Variants in ZNF780B observed in about 807,000 individuals in gnomAD.
ZNF780B encodes zinc finger protein 779.
Under a neutral mutation model 74.1 loss-of-function variants are expected in ZNF780B, and 52 were observed. The observed-to-expected ratio is 0.70, with a 90% CI of 0.56 to 0.88. The LOEUF (loss-of-function observed/expected upper bound fraction) is 0.88, where lower values mean the gene tolerates loss of function less well. Among genes scored for constraint, ZNF780B ranks in the 40% least tolerant of loss-of-function variants. ZNF780B has a pLI of 0.00. For missense variants in ZNF780B, 953 were observed against 1,007.6 expected (o/e 0.95, Z 0.73); for synonymous variants, 315 against 324.3 (o/e 0.97, Z 0.31).
intron 1 of ZNF780B, among the ~76,000 whole-genome samples, chr19:40,052,920 A>G (rs1160102368): frequency 6.6e-6 from 1 of 152,196 alleles, no homozygotes. Flanking sequence ...TTCTCAAACC[A>G]TTATACAAAA....
rs534099847 is a variant in ZNF780B at position 40,051,009 on chromosome 19, C to G, written c.-45-632G>C. 1.3e-5 allele frequency among the ~76,000 whole-genome samples: 2 copies of G among 152,204 alleles called. 1 individual carries two copies. Among genetic ancestry groups the G allele is most frequent in the African/African-American group, 4.8e-5 (2 of 41,532 alleles). On this transcript the variant is annotated intron_variant, in intron 1 of 4. Coordinates refer to ENST00000434248, the MANE Select transcript of ZNF780B (RefSeq NM_001005851.3). ...AAATCAGGTTACAAAGCAGGATAAA[C>G]AATACGATTACATTTGTAAAATATA...
chr19:40,047,826 A>G (rs1416238922), intron 3 of ZNF780B, among the ~76,000 whole-genome samples: 1 of 152,300 alleles, frequency 6.6e-6, no homozygotes, highest in East Asian at 1.9e-4. Context: ...TAAAACAGAA[A>G]TATAATAATG....
chr19:40,035,846 CA>C lies in ZNF780B; in HGVS notation c.1012del (p.Cys338AlafsTer8), dbSNP rs1300159383. ...TGTCAGAAGAGTAAAGGCCTTTCTG[CA>C]TTCTTTACATTCAAAGGGTTTCTCG... ...TGEKPFECKE[C>X]RKAFTLLTKL... On this transcript the variant is annotated frameshift_variant, in exon 5 of 5. Coordinates refer to ENST00000434248, the MANE Select transcript of ZNF780B (RefSeq NM_001005851.3). LOFTEE classifies it high-confidence loss of function. The C allele has an allele frequency of 6.2e-7, 1 of 1,613,970 alleles. No homozygotes were observed. The highest frequency in any genetic ancestry group is 8.5e-7 in the Non-Finnish European group (1 of 1,180,002).
In ZNF780B at chr19:40,036,136, G is replaced by T. The variant is rs373479514; in HGVS notation, c.723C>A (p.Asn241Lys). 4.3e-5 allele frequency: 69 copies of T among 1,613,464 alleles called. No individual in the cohort carries two copies. The highest frequency in any genetic ancestry group is 3.3e-4 in the Middle Eastern group (2 of 6,074). The part of the protein sequence containing the change: ...NLPTQLNRHK[N>K]IHTVKKLFEC... ...CAAACAGTTTCTTAACTGTGTGAAT[G>T]TTCTTATGGCGATTAAGCTGGGTGG... Residue 241 changes from asparagine to lysine, a missense_variant, in exon 5 of 5, where the codon AAC becomes AAA. Asn to Lys is a moderately conservative substitution (Grantham distance 94). Transcript: ENST00000434248.
intron 2 of ZNF780B, among the ~76,000 whole-genome samples, chr19:40,049,287 G>T (rs556158255): frequency 6.7e-6 from 1 of 149,110 alleles, no homozygotes; most frequent in Non-Finnish European, 1.5e-5. Context: ...GAGGAATGCC[G>T]TTAATCCTCA....
chr19:40,043,415 G>A (rs1246658047), intron 4 of ZNF780B, among the ~76,000 whole-genome samples: 10 of 152,216 alleles, frequency 6.6e-5, no homozygotes, highest in Non-Finnish European at 1.0e-4. Context: ...CTCCAGCTGC[G>A]TGCTGGGAGA....
In ZNF780B at chr19:40,036,113, A is replaced by C; in HGVS notation, c.746T>G (p.Phe249Cys). ...HKNIHTVKKLFECKECGKSFN... is the reference protein window; with the variant it reads ...HKNIHTVKKLCECKECGKSFN... The stretch of plus-strand genomic sequence containing the variant: ...AGACTTCCCACATTCCTTACATTCA[A>C]ACAGTTTCTTAACTGTGTGAATGTT... Residue 249 changes from phenylalanine to cysteine, a missense_variant, in exon 5 of 5, where the codon TTT becomes TGT. Transcript: ENST00000434248. 2 of 1,613,494 alleles carry C rather than the reference A, an allele frequency of 1.2e-6. No individual in the cohort carries two copies. Among genetic ancestry groups the C allele is most frequent in the Non-Finnish European group, 1.7e-6 (2 of 1,179,790 alleles).
intron 4 of ZNF780B, among the ~76,000 whole-genome samples, chr19:40,038,254 T>C (rs965958366): frequency 5.3e-5 from 8 of 151,900 alleles, no homozygotes; most frequent in African/African-American, 1.9e-4. Context: ...TCATCATTTT[T>C]TATGGCTGCA....
At chr19:40,056,000 C>T (rs188483063) in intron 1 of ZNF780B, 189 bp downstream of exon 1, 2 of 153,012 alleles carry the variant, frequency 1.3e-5, no homozygotes, top group East Asian at 3.9e-4. Flanking sequence ...CAAGATCGCG[C>T]AATCCCCATC....
In ZNF780B at chr19:40,036,366, A is replaced by C. The variant is rs1416899943; in HGVS notation, c.493T>G (p.Tyr165Asp). 6.2e-7 allele frequency: 1 copy of C among 1,613,270 alleles called. No homozygotes were observed. The highest frequency in any genetic ancestry group is 8.5e-7 in the Non-Finnish European group (1 of 1,179,804). ...ASPIHNTHKP[Y>D]ECKECGKYFS... is the part of the protein sequence containing the mutation. ...TATTTCCCACATTCCTTACATTCAT[A>C]TGGTTTATGTGTATTATGAATAGGA... The change falls in exon 5 of 5, where the codon TAT becomes GAT. Residue 165 changes from tyrosine (Y) to aspartate (D), a missense_variant. Transcript: ENST00000434248.
At chr19:40,049,937 C>A (rs538933376) in intron 2 of ZNF780B, among the ~76,000 whole-genome samples, 1 of 152,150 alleles carries the variant, frequency 6.6e-6, no homozygotes, top group East Asian at 1.9e-4. Context: ...GTGGCTCACG[C>A]CTGTAATCCC....
chr19:40,052,687 T>C (rs1253068635), intron 1 of ZNF780B, among the ~76,000 whole-genome samples: 1 of 152,126 alleles, frequency 6.6e-6, no homozygotes, highest in Non-Finnish European at 1.5e-5. Flanking sequence ...CTTCAATATA[T>C]ACTACAAAGC....
chr19:40,048,005 G>A (rs192652024), intron 3 of ZNF780B, among the ~76,000 whole-genome samples: 176 of 152,296 alleles, frequency 1.2e-3, no homozygotes, highest in African/African-American at 4.1e-3. Flanking sequence ...TCACCCAACA[G>A]AAAAGCATAC....
chr19:40,037,168 G>A (rs1191534799), intron 4 of ZNF780B, among the ~76,000 whole-genome samples: 1 of 151,782 alleles, frequency 6.6e-6, no homozygotes, highest in Non-Finnish European at 1.5e-5. Flanking sequence ...ACCCACCCTG[G>A]CCTCCCAAAG....
rs547032517 is a variant in ZNF780B, at chr19:40,040,322, T to C, written c.233-3696A>G. Among the ~76,000 whole-genome samples, 962 of 152,364 alleles carry C rather than the reference T, an allele frequency of 6.3e-3. 7 individuals carry two copies. The highest frequency in any genetic ancestry group is 0.014 in the Middle Eastern group (4 of 294). On this transcript the variant is annotated intron_variant, in intron 4 of 4. Transcript: ENST00000434248. ...CTGGATTCGGTTTGCCAGTATTTTA[T>C]TGAGGATTTTTGCATCAATGTTCAT...
chr19:40,043,931 C>T (rs532246156), intron 4 of ZNF780B, among the ~76,000 whole-genome samples: 2 of 152,332 alleles, frequency 1.3e-5, no homozygotes, highest in East Asian at 1.9e-4. Flanking sequence ...CACTGTCTGG[C>T]ACTCCCTAGT....
intron 4 of ZNF780B, among the ~76,000 whole-genome samples, chr19:40,039,273 C>G (rs1267829530): frequency 6.6e-6 from 1 of 152,162 alleles, no homozygotes; most frequent in Non-Finnish European, 1.5e-5. Flanking sequence ...TGATCTATAT[C>G]TCTGTTTTGG....
chr19:40,051,709 T>C (rs1378120208), intron 1 of ZNF780B, among the ~76,000 whole-genome samples: 3 of 152,240 alleles, frequency 2.0e-5, no homozygotes, highest in Non-Finnish European at 2.9e-5. Flanking sequence ...TGACATCCTT[T>C]AGCTGTATCT....
At chr19:40,049,862 G>A (rs915631132) in intron 2 of ZNF780B, among the ~76,000 whole-genome samples, 2 of 151,970 alleles carry the variant, frequency 1.3e-5, no homozygotes, top group African/African-American at 2.4e-5. Context: ...TTTATTTTTT[G>A]GTCACCAAAC....
Sources: gnomAD v4.1 joint callset for allele counts (sites outside exome capture counted in the v4.1 genomes callset) on GRCh38, gnomAD v4.1.1 for gene constraint, MANE v1.5 for transcripts, NCBI Gene and HGNC (gene_info 2026-07-23, HGNC 2026-07-21) for gene names.